Variants in GATB observed in about 807,000 individuals in gnomAD.
The protein encoded by GATB is glutamyl-tRNA(Gln) amidotransferase subunit B, mitochondrial.
In GATB, 39 loss-of-function variants were observed where a neutral mutation model predicts 62.3. That is an observed-to-expected ratio of 0.63 (90% CI 0.48 to 0.82). The LOEUF is 0.82. Ranked by LOEUF, GATB falls within the 40% of genes least tolerant of loss-of-function variation. The pLI is 0.00. For synonymous variants in GATB, 276 were observed against 258.9 expected (o/e 1.07, Z -0.63); for missense variants, 670 against 684.0 (o/e 0.98, Z 0.23).
At chr4:151,688,545 A>G (rs1738297858) in intron 10 of GATB, 85 bp downstream of exon 10, 3 of 1,368,594 alleles carry the variant, frequency 2.2e-6, no homozygotes, top group African/African-American at 1.5e-5. Flanking sequence ...GAACAGCAGG[A>G]GCAAAAAAAT....
In GATB at chr4:151,717,012, G is replaced by A. The variant is rs779046590; in HGVS notation, c.504C>T (p.Gly168=). 8 of 1,614,072 alleles carry A rather than the reference G, an allele frequency of 5.0e-6. No homozygotes were observed. The highest frequency in any genetic ancestry group is 2.2e-5 in the East Asian group (1 of 44,876). The change falls in exon 4 of 13, where the codon GGC becomes GGT. Residue 168 remains glycine (G), a synonymous_variant. Transcript: ENST00000263985. ...GACTCTGCTTCTTCCCTGCACAGAC[G>A]CCATATATCAAGCTCCCATTCACAG... ...PIAVNGSLIY[G]VCAGKKQSQV... is the part of the protein sequence containing the mutation.
chr4:151,709,097 AGT>A (rs1228056317), intron 5 of GATB, among the ~76,000 whole-genome samples: 1 of 152,220 alleles, frequency 6.6e-6, no homozygotes, highest in East Asian at 1.9e-4. Context: ...GCCAAACCTG[AGT>A]GTCTTGATGG....
rs1230713570 is a variant in GATB, at chr4:151,672,813, C to T, written c.1494G>A (p.Gln498=). The change falls in exon 12 of 13, where the codon CAG becomes CAA. Residue 498 remains glutamine (Q), a synonymous_variant. Coordinates refer to ENST00000263985, the MANE Select transcript of GATB (RefSeq NM_004564.3). ...SEKQLELMQD[Q]GALEQLCHSV... is the part of the protein sequence containing the mutation. ...AGTGGCAGAGCTGCTCCAGTGCCCC[C>T]TGGTCCTGCATCAGTTCAAGCTGCT... 1.2e-6 allele frequency: 2 copies of T among 1,614,222 alleles called. No individual in the cohort carries two copies. Among genetic ancestry groups the T allele is most frequent in the African/African-American group, 1.3e-5 (1 of 75,064 alleles).
chr4:151,735,812 C>G (rs1358074436), intron 2 of GATB, among the ~76,000 whole-genome samples: 2 of 147,342 alleles, frequency 1.4e-5, no homozygotes. Flanking sequence ...TTGCAATGAC[C>G]TGGATGGGAC....
At chr4:151,677,759 C>T (rs1016067448) in intron 11 of GATB, 1 of 152,192 alleles carries the variant, frequency 6.6e-6, no homozygotes, top group African/African-American at 2.4e-5. Flanking sequence ...CACAGATGTA[C>T]TTTTCATAAA....
intron 2 of GATB, among the ~76,000 whole-genome samples, chr4:151,749,147 G>A (rs1244701011): frequency 6.6e-6 from 1 of 152,140 alleles, no homozygotes; most frequent in South Asian, 2.1e-4. Flanking sequence ...TGACCCAGCA[G>A]TCCCATTACT....
At chr4:151,715,511 C>T (rs761592643) in intron 5 of GATB, among the ~76,000 whole-genome samples, 2 of 152,176 alleles carry the variant, frequency 1.3e-5, no homozygotes, top group Non-Finnish European at 2.9e-5. Context: ...TGTATTTCCA[C>T]TGAACTTAAT....
intron 5 of GATB, among the ~76,000 whole-genome samples, chr4:151,709,947 G>C (rs1173581232): frequency 2.0e-5 from 3 of 152,058 alleles, no homozygotes; most frequent in Admixed American, 6.5e-5. Context: ...TCCAATCAGG[G>C]CAGCCTTCTG....
chr4:151,671,712 G>T (rs1284390892), intron 12 of GATB, among the ~76,000 whole-genome samples: 6 of 152,070 alleles, frequency 3.9e-5, no homozygotes, highest in African/African-American at 1.4e-4. Flanking sequence ...GAAATGTGTG[G>T]CTTTCCTTCT....
In GATB at chr4:151,697,963, A is replaced by ATATATATATATATATGTG. The variant is rs1738515007; in HGVS notation, c.1197+3365_1197+3366insCACATATATATATATATA. Among the ~76,000 whole-genome samples, 5 of 116,706 alleles carry ATATATATATATATATGTG rather than the reference A, an allele frequency of 4.3e-5. 1 individual carries two copies. The highest frequency in any genetic ancestry group is 1.6e-4 in the African/African-American group (4 of 24,414). 76.6% of individuals were successfully genotyped at this position (116,706 alleles called of 152,430 possible). ...TGTGTGTGTGTGTGTGTATATATATATATATATATATATATATATATATAT... is the reference window on the plus strand; with the variant it reads ...TGTGTGTGTGTGTGTGTATATATATATATATATATATATATGTGTATATATATATATATATATATATAT... On this transcript the variant is annotated intron_variant, in intron 9 of 12. Transcript: ENST00000263985.
chr4:151,701,549 C>T, intron 8 of GATB, 31 bp from the exon 9 acceptor site: 1 of 1,406,486 alleles, frequency 7.1e-7, no homozygotes, highest in Non-Finnish European at 9.4e-7. Context: ...GGACCTGAAT[C>T]TGGAGTACTT....
At chr4:151,713,529 T>C (rs1035385531) in intron 5 of GATB, among the ~76,000 whole-genome samples, 1 of 152,256 alleles carries the variant, frequency 6.6e-6, no homozygotes, top group African/African-American at 2.4e-5. Flanking sequence ...CTCTATCAGA[T>C]GGCCTTGATG....
intron 1 of GATB, 53 bp downstream of exon 1, chr4:151,760,754 T>C (rs1739937161): frequency 6.7e-7 from 1 of 1,487,280 alleles, no homozygotes; most frequent in Non-Finnish European, 9.1e-7. Flanking sequence ...ATTTCCCCAG[T>C]CCTGCAGTTC....
chr4:151,760,766 A>C (rs571894797), intron 1 of GATB, 41 bp downstream of exon 1: 1 of 1,519,386 alleles, frequency 6.6e-7, no homozygotes. Flanking sequence ...CTGCAGTTCC[A>C]CCTCACAGTT....
intron 9 of GATB, among the ~76,000 whole-genome samples, chr4:151,694,644 T>C (rs1273298280): frequency 6.6e-6 from 1 of 152,188 alleles, no homozygotes; most frequent in African/African-American, 2.4e-5. Flanking sequence ...ACCAAATAGA[T>C]TTTCCTTCAA....
intron 2 of GATB, among the ~76,000 whole-genome samples, chr4:151,746,858 C>G (rs1739611107): frequency 6.6e-6 from 1 of 152,108 alleles, no homozygotes; most frequent in Non-Finnish European, 1.5e-5. Flanking sequence ...TACACACATA[C>G]ATTTATATAT....
chr4:151,671,867 A>T, intron 12 of GATB, among the ~76,000 whole-genome samples: 1 of 152,144 alleles, frequency 6.6e-6, no homozygotes, highest in East Asian at 1.9e-4. Flanking sequence ...CCTATCAGAT[A>T]GCCACTGACT....
intron 5 of GATB, among the ~76,000 whole-genome samples, chr4:151,714,030 C>T (rs999346918): frequency 1.3e-4 from 20 of 152,202 alleles, no homozygotes; most frequent in Admixed American, 2.0e-4. Flanking sequence ...AATGTTCCAA[C>T]TGATAGATAT....
Sources: allele counts gnomAD v4.1 joint callset (sites outside exome capture counted in the v4.1 genomes callset), GRCh38; gene constraint gnomAD v4.1.1; transcripts MANE v1.5; gene names NCBI Gene and HGNC (gene_info 2026-07-23, HGNC 2026-07-21).